MROH1: variants seen among roughly 807,000 people sequenced by gnomAD.
MROH1 encodes maestro heat-like repeat-containing protein family member 1.
In MROH1, 117 loss-of-function variants were observed where a neutral mutation model predicts 116.5. The observed-to-expected ratio is 1.00, with a 90% CI of 0.86 to 1.17. The LOEUF is 1.17. Among genes scored for constraint, MROH1 ranks in the 50% most tolerant of loss-of-function variants. MROH1 has a pLI of 0.00. For missense variants in MROH1, 1,873 were observed against 1,338.5 expected (o/e 1.40, Z -6.23); for synonymous variants, 921 against 583.9 (o/e 1.58, Z -8.32).
chr8:144,164,469 A>G lies in MROH1; in HGVS notation c.22+621A>G, dbSNP rs938400894. 5.9e-5 allele frequency among the ~76,000 whole-genome samples: 9 copies of G among 151,580 alleles called. No individual in the cohort carries two copies. In the South Asian group the frequency reaches 6.3e-4, roughly 11 times the overall value. Reference sequence around the variant, plus strand: ...ACCCAGGGTGGAGTGCAGTGGTGCAATCATGGCTCACTGCAGCCTCAAACT... The same window carrying G: ...ACCCAGGGTGGAGTGCAGTGGTGCAGTCATGGCTCACTGCAGCCTCAAACT... On this transcript the variant is annotated intron_variant, in intron 3 of 43. Transcript: ENST00000326134.
At chr8:144,162,464 C>T (rs1358897449) in intron 2 of MROH1, among the ~76,000 whole-genome samples, 1 of 150,956 alleles carries the variant, frequency 6.6e-6, no homozygotes, top group African/African-American at 2.4e-5. Context: ...GGTGCAATCT[C>T]GGTTCACTGT....
Position 144,183,522 on chromosome 8 carries a change from C to T in MROH1, c.562+2999C>T, listed in dbSNP as rs781023331. Among the ~76,000 whole-genome samples the T allele has an allele frequency of 7.9e-5, 12 of 151,722 alleles. No individual in the cohort carries two copies. In the East Asian group the frequency reaches 2.1e-3, roughly 27 times the overall value. On this transcript the variant is annotated intron_variant, in intron 7 of 43. Coordinates refer to ENST00000326134, the MANE Select transcript of MROH1 (RefSeq NM_032450.3). Reference sequence around the variant, plus strand: ...GTTGACCAGCATCCTTCTGATCAATCAGAAGGAGAAACCTAGGCCCACGGA... The same window carrying T: ...GTTGACCAGCATCCTTCTGATCAATTAGAAGGAGAAACCTAGGCCCACGGA...
At position 144,259,972 on chromosome 8, in the gene MROH1, C is replaced by G. The variant is rs889028260; in HGVS notation, c.4106C>G (p.Ala1369Gly). The G allele has an allele frequency of 7.6e-4, 559 of 740,338 alleles. 4 individuals are homozygous for G. In the East Asian group the frequency reaches 0.013, roughly 18 times the overall value. 45.9% of individuals were successfully genotyped at this position (740,338 alleles called of 1,614,324 possible). ...MLLDSLLESL[A>G]ARQKDTCASV... The stretch of plus-strand genomic sequence containing the variant: ...TTGGACTCGCTGCTGGAGAGCCTGG[C>G]GGCTCGCCAGAAGGACACATGCGCC... The change falls in exon 38 of 44, where the codon GCG becomes GGG. Residue 1369 changes from alanine to glycine, a missense_variant. Physicochemically the swap from Ala to Gly is moderately conservative, Grantham distance 60. Coordinates refer to ENST00000326134, the MANE Select transcript of MROH1 (RefSeq NM_032450.3).
chr8:144,206,716 G>A (rs868413344), intron 12 of MROH1, among the ~76,000 whole-genome samples: 5 of 151,384 alleles, frequency 3.3e-5, no homozygotes, highest in Admixed American at 6.6e-5. Context: ...GAGCCACCGT[G>A]CCTGGCCTTT....
At chr8:144,170,184 A>C (rs1363686139) in intron 4 of MROH1, among the ~76,000 whole-genome samples, 1 of 152,088 alleles carries the variant, frequency 6.6e-6, no homozygotes, top group African/African-American at 2.4e-5. Context: ...GAGAGAGAGG[A>C]GGGCAGAGCA....
chr8:144,243,977 C>T, intron 26 of MROH1, 35 bp downstream of exon 26: 1 of 774,128 alleles, frequency 1.3e-6, no homozygotes, highest in South Asian at 1.4e-5. Flanking sequence ...GCCCGTGCAG[C>T]TGCGTGTGTG....
chr8:144,186,116 T>G (rs1587999100), intron 7 of MROH1, among the ~76,000 whole-genome samples: 1 of 111,698 alleles, frequency 9.0e-6, no homozygotes, highest in South Asian at 3.5e-4. Context: ...AAGGACAGTT[T>G]CCAATTTTTT....
At chr8:144,253,907 T>G (rs2133233919) in intron 33 of MROH1, among the ~76,000 whole-genome samples, 1 of 152,178 alleles carries the variant, frequency 6.6e-6, no homozygotes, top group South Asian at 2.1e-4. Flanking sequence ...AGCCACTGCC[T>G]GCTTGTTGCT....
intron 39 of MROH1, 52 bp from the exon 40 acceptor site, chr8:144,260,625 G>A: frequency 1.3e-6 from 1 of 771,690 alleles, no homozygotes; most frequent in Admixed American, 1.7e-5. Flanking sequence ...TAGGCAGGCA[G>A]GCCTGCAGGG....
intron 7 of MROH1, among the ~76,000 whole-genome samples, chr8:144,181,445 G>T (rs1364840030): frequency 6.6e-6 from 1 of 152,146 alleles, no homozygotes; most frequent in Non-Finnish European, 1.5e-5. Flanking sequence ...CACCTGCTCT[G>T]CTCCTGGTGA....
rs1459447331 is a variant in MROH1, at chr8:144,243,845, T to C, written c.2476-18T>C. On this transcript the variant is annotated intron_variant, in intron 25 of 43. Coordinates refer to ENST00000326134, the MANE Select transcript of MROH1 (RefSeq NM_032450.3). ...GGCGTTTCCTCCAAGGGCTGAGTCA[T>C]GCACCTGCCTCACCCAGGAGTTCAT... is the stretch of plus-strand genomic sequence containing the variant. 15 of 776,126 alleles carry C rather than the reference T, an allele frequency of 1.9e-5. No homozygotes were observed. The East Asian group carries it at 2.9e-4, about 15-fold the overall frequency. The allele number at this position is 776,126 out of a possible 1,614,324, so 48.1% of individuals were successfully genotyped here. A position where few individuals can be genotyped will look rare whatever the true frequency, so the allele number is the denominator to read the frequency against.
intron 12 of MROH1, among the ~76,000 whole-genome samples, chr8:144,205,873 C>T (rs1348507516): frequency 6.6e-6 from 1 of 152,128 alleles, no homozygotes; most frequent in East Asian, 1.9e-4. Context: ...TGAACATAAT[C>T]TTCAATAGAA....
At chr8:144,232,462 CTTTGTTTGTTTGTTTA>C (rs1419698283) in intron 14 of MROH1, among the ~76,000 whole-genome samples, 3 of 150,700 alleles carry the variant, frequency 2.0e-5, no homozygotes, top group African/African-American at 7.3e-5. Context: ...AGATTGAGTG[CTTTGTTTGTTTGTTTA>C]TTTATTTATT....
chr8:144,222,224 A>G (rs946649029), intron 13 of MROH1, among the ~76,000 whole-genome samples: 8 of 152,122 alleles, frequency 5.3e-5, no homozygotes, highest in Non-Finnish European at 1.2e-4. Context: ...AGTGCCCAGG[A>G]GGCTGGGGGT....
intron 5 of MROH1, among the ~76,000 whole-genome samples, chr8:144,179,790 A>G (rs1471390408): frequency 6.6e-6 from 1 of 152,202 alleles, no homozygotes; most frequent in Non-Finnish European, 1.5e-5. Context: ...ACTGAAGCAG[A>G]GAGCAAGTTG....
intron 29 of MROH1, among the ~76,000 whole-genome samples, chr8:144,246,152 A>G (rs1320071235): frequency 1.4e-5 from 2 of 146,474 alleles, no homozygotes; most frequent in African/African-American, 5.1e-5. Flanking sequence ...GCTCTCACCC[A>G]GGCTGGAGTG....
chr8:144,220,510 C>G, intron 12 of MROH1, 90 bp from the exon 13 acceptor site: 1 of 1,167,704 alleles, frequency 8.6e-7, no homozygotes, highest in Non-Finnish European at 1.2e-6. Flanking sequence ...ACACGGGGAC[C>G]ACGGGGAAGC....
At chr8:144,260,451 C>A (rs2130070805) in intron 39 of MROH1, 77 bp downstream of exon 39, 2 of 698,654 alleles carry the variant, frequency 2.9e-6, no homozygotes, top group East Asian at 2.7e-5. Context: ...AGCCCCAGCC[C>A]CACCCTCCTC....
intron 10 of MROH1, chr8:144,192,778 G>A (rs756994959): frequency 2.5e-6 from 1 of 397,720 alleles, no homozygotes; most frequent in Non-Finnish European, 4.8e-6. Flanking sequence ...CTGGGCTGCA[G>A]GACGGGGGTC....
Sources: allele counts gnomAD v4.1 joint callset (sites outside exome capture counted in the v4.1 genomes callset), GRCh38; gene constraint gnomAD v4.1.1; transcripts MANE v1.5; gene names NCBI Gene and HGNC (gene_info 2026-07-23, HGNC 2026-07-21).